Variants in SHANK2 observed in about 807,000 individuals in gnomAD.
The protein encoded by SHANK2 is SH3 and multiple ankyrin repeat domains protein 2.
A neutral mutation model predicts 133.7 loss-of-function variants in SHANK2; 43 were observed. The observed-to-expected ratio is 0.32, with a 90% confidence interval of 0.25 to 0.41. The LOEUF (loss-of-function observed/expected upper bound fraction) is 0.41, where lower values mean the gene tolerates loss of function less well. Among genes scored for constraint, SHANK2 ranks in the 10% least tolerant of loss-of-function variants. The pLI is 1.00. For synonymous variants in SHANK2, 1,017 were observed against 952.8 expected, an observed-to-expected ratio of 1.07 and a Z score of -1.24; for missense variants, 1,994 against 2,235.8, an observed-to-expected ratio of 0.89 and a Z score of 2.18.
At chr11:70,672,689 G>A (rs1232064828) in intron 15 of SHANK2, among the ~76,000 whole-genome samples, 3 of 152,180 alleles carry the variant, frequency 2.0e-5, no homozygotes, top group Admixed American at 1.3e-4. Context: ...GCTTTCTTCT[G>A]GCCAGTTACT....
At position 70,830,599 on chromosome 11, in the gene SHANK2, A is replaced by G. The variant is rs1414198703; in HGVS notation, c.1175-9917T>C. Among the ~76,000 whole-genome samples the G allele has an allele frequency of 1.6e-4, 24 of 152,254 alleles. No homozygotes were observed. Among genetic ancestry groups the G allele is most frequent in the Admixed American group, 1.5e-3 (23 of 15,288 alleles). The stretch of plus-strand genomic sequence containing the variant: ...TAGCGCCCTTCCCATCTCTAAAACA[A>G]GTATTCCGAGGATGACCGAGCGCTA... On this transcript the variant is annotated intron_variant, in intron 11 of 25. Coordinates refer to ENST00000601538, the MANE Select transcript of SHANK2 (RefSeq NM_012309.5). The surrounding 1 kb of genome is among the most constrained non-coding windows in gnomAD (Gnocchi z 4.4).
intron 14 of SHANK2, among the ~76,000 whole-genome samples, chr11:70,726,406 C>A (rs1054200706): frequency 7.0e-6 from 1 of 143,422 alleles, no homozygotes; most frequent in African/African-American, 2.6e-5. Context: ...GCTCACATGC[C>A]AGGCTCTGGT....
chr11:70,832,851 A>C (rs1385176005), intron 11 of SHANK2, among the ~76,000 whole-genome samples: 1 of 152,212 alleles, frequency 6.6e-6, no homozygotes, highest in Non-Finnish European at 1.5e-5. Flanking sequence ...CCCCACGAGC[A>C]GGTGCAGCCA....
chr11:70,578,083 G>A (rs11236708), intron 17 of SHANK2, among the ~76,000 whole-genome samples: 23,935 of 152,158 alleles, frequency 0.16, 1,981 homozygotes, highest in Non-Finnish European at 0.18. Flanking sequence ...TCTGTGGGGC[G>A]TTGTGGTCAG....
intron 14 of SHANK2, among the ~76,000 whole-genome samples, chr11:70,765,884 T>C (rs781864128): frequency 6.6e-6 from 1 of 152,174 alleles, no homozygotes; most frequent in East Asian, 1.9e-4. Context: ...TGCTCTGAAA[T>C]TGGGAGGAAG....
At chr11:70,688,340 C>T (rs1473281042) in intron 15 of SHANK2, among the ~76,000 whole-genome samples, 1 of 152,160 alleles carries the variant, frequency 6.6e-6, no homozygotes, top group Non-Finnish European at 1.5e-5. Context: ...CCAAAGTCCC[C>T]AAGTCAGGTG....
chr11:70,906,909 C>T (rs1485110883), intron 10 of SHANK2, among the ~76,000 whole-genome samples: 1 of 152,190 alleles, frequency 6.6e-6, no homozygotes, highest in African/African-American at 2.4e-5. Flanking sequence ...AGGCCTATGT[C>T]GTTCCAGAAC....
At chr11:70,614,405 G>A (rs939146116) in intron 17 of SHANK2, among the ~76,000 whole-genome samples, 2 of 151,494 alleles carry the variant, frequency 1.3e-5, no homozygotes, top group Admixed American at 6.6e-5. Flanking sequence ...CCGCCTCCCA[G>A]GTTCTAAGAG....
At chr11:70,658,583 TAA>T (rs1359285338) in intron 17 of SHANK2, among the ~76,000 whole-genome samples, 1 of 152,242 alleles carries the variant, frequency 6.6e-6, no homozygotes, top group East Asian at 1.9e-4. Flanking sequence ...GCACTCAGAA[TAA>T]GTTTAAGCAC....
chr11:70,473,288 C>A lies in SHANK2; in HGVS notation c.5131G>T (p.Val1711Leu). The A allele has an allele frequency of 6.2e-7, 1 of 1,613,732 alleles. No homozygotes were observed. The highest frequency in any genetic ancestry group is 8.5e-7 in the Non-Finnish European group (1 of 1,179,772). ...TTGTTCATCTCTGTTGGCGAGACCA[C>A]AGGGCTTGGGGCACGTCTTGTTCCT... ...TSGTRRAPSPVVSPTEMNKET... is the reference protein window; with the variant it reads ...TSGTRRAPSPLVSPTEMNKET... The change falls in exon 26 of 26, where the codon GTG (valine) becomes TTG (leucine). Residue 1711 changes from valine (V) to leucine (L), a missense_variant. Around this residue, in one of 5 missense-constraint regions of SHANK2, gnomAD observed 797 missense variants for 907.4 expected, o/e 0.88. Transcript: ENST00000601538. The surrounding 1 kb of genome is among the most constrained non-coding windows in gnomAD (Gnocchi z 5.9).
chr11:71,124,979 G>T (rs1555102393), intron 3 of SHANK2, among the ~76,000 whole-genome samples: 2 of 152,074 alleles, frequency 1.3e-5, no homozygotes, highest in African/African-American at 4.8e-5. Context: ...GATGATCTGT[G>T]GTCAGTGATC....
At chr11:70,693,896 G>A (rs895619058) in intron 15 of SHANK2, among the ~76,000 whole-genome samples, 20 of 152,160 alleles carry the variant, frequency 1.3e-4, no homozygotes, top group Non-Finnish European at 2.9e-4. Flanking sequence ...GTGGATAGAC[G>A]GACAGGTGGA....
At chr11:70,718,778 CT>C (rs1205051753) in intron 14 of SHANK2, among the ~76,000 whole-genome samples, 1 of 145,482 alleles carries the variant, frequency 6.9e-6, no homozygotes, top group Non-Finnish European at 1.5e-5. Flanking sequence ...GAGCTGCAGG[CT>C]TTCAGTGGGT....
At position 70,830,689 on chromosome 11, in the gene SHANK2, G is replaced by A. The variant is rs1555058189; in HGVS notation, c.1175-10007C>T. On this transcript the variant is annotated intron_variant, in intron 11 of 25. Coordinates refer to ENST00000601538, the MANE Select transcript of SHANK2 (RefSeq NM_012309.5). This position sits in a 1 kb window ranked among gnomAD's most constrained non-coding sequence, Gnocchi z 4.4. ...ACTTAAAAACCCATTTTCCCTGGAG[G>A]CTTCCAGAGATCTTCTTCTCTGAGA... Among the ~76,000 whole-genome samples the A allele has an allele frequency of 6.6e-6, 1 of 152,222 alleles. No individual in the cohort carries two copies. Among genetic ancestry groups the A allele is most frequent in the Admixed American group, 6.5e-5 (1 of 15,288 alleles).
chr11:70,755,367 C>G (rs1946845410), intron 14 of SHANK2, among the ~76,000 whole-genome samples: 1 of 152,264 alleles, frequency 6.6e-6, no homozygotes, highest in Non-Finnish European at 1.5e-5. Context: ...CCACTGCGCC[C>G]AGCGCGCAGG....
intron 11 of SHANK2, among the ~76,000 whole-genome samples, chr11:70,877,646 T>G (rs1168514421): frequency 6.6e-6 from 1 of 152,160 alleles, no homozygotes; most frequent in Admixed American, 6.5e-5. Flanking sequence ...ATGAACACCT[T>G]TGGCCACTGT....
chr11:70,537,784 C>A (rs1466142777), intron 17 of SHANK2, among the ~76,000 whole-genome samples: 1 of 152,242 alleles, frequency 6.6e-6, no homozygotes, highest in Non-Finnish European at 1.5e-5. Flanking sequence ...GCGGAGGGGA[C>A]CCTCGACATT....
intron 10 of SHANK2, among the ~76,000 whole-genome samples, chr11:70,904,554 C>A (rs1262275151): frequency 6.8e-6 from 1 of 147,928 alleles, no homozygotes; most frequent in African/African-American, 2.5e-5. Flanking sequence ...GTCACCCAGG[C>A]TGGAGTGCAG....
intron 14 of SHANK2, among the ~76,000 whole-genome samples, chr11:70,787,370 A>G (rs1947689447): frequency 6.7e-6 from 1 of 150,000 alleles, no homozygotes; most frequent in Non-Finnish European, 1.5e-5. Flanking sequence ...CAGCATCACC[A>G]TGACCACCAC....
Sources: allele counts gnomAD v4.1 joint callset (sites outside exome capture counted in the v4.1 genomes callset), GRCh38; gene constraint gnomAD v4.1.1; regional missense constraint gnomAD v4.1.1; non-coding constraint Gnocchi (gnomAD v3.1); transcripts MANE v1.5; gene names NCBI Gene and HGNC (gene_info 2026-07-23, HGNC 2026-07-21).